The following WDR70 variants were observed in gnomAD, a reference collection of about 807,000 sequenced individuals.
WDR70 encodes the protein WD repeat-containing protein 70.
In WDR70, 53 loss-of-function variants were observed where a neutral mutation model predicts 88.6. That is an observed-to-expected ratio of 0.60 (90% CI 0.48 to 0.75). WDR70 has a LOEUF of 0.75. WDR70 is among the 30% of genes least tolerant of loss of function. The pLI is 0.00. For missense variants in WDR70, 610 were observed against 823.2 expected, an observed-to-expected ratio of 0.74 and a Z score of 3.17; for synonymous variants, 280 against 270.0, an observed-to-expected ratio of 1.04 and a Z score of -0.36.
chr5:37,745,247 G>A (rs1319766544), intron 17 of WDR70, among the ~76,000 whole-genome samples: 2 of 151,854 alleles, frequency 1.3e-5, no homozygotes, highest in African/African-American at 4.8e-5. Context: ...GTTACCACGA[G>A]GCCTGCACTG....
intron 8 of WDR70, among the ~76,000 whole-genome samples, chr5:37,488,813 T>C (rs1739975511): frequency 6.6e-6 from 1 of 152,216 alleles, no homozygotes. Flanking sequence ...TGGAATCTGT[T>C]GGTGGAGAAT....
intron 15 of WDR70, chr5:37,724,638 A>G (rs989860355): frequency 7.0e-6 from 2 of 287,314 alleles, no homozygotes; most frequent in South Asian, 1.2e-4. Flanking sequence ...TTTCAAAACC[A>G]CGGTAATTAA....
intron 10 of WDR70, among the ~76,000 whole-genome samples, chr5:37,682,041 T>C (rs1746451555): frequency 6.6e-6 from 1 of 152,180 alleles, no homozygotes; most frequent in Admixed American, 6.5e-5. Flanking sequence ...AAAATTCAGC[T>C]GTGAATCCTT....
intron 10 of WDR70, among the ~76,000 whole-genome samples, chr5:37,669,962 G>A (rs1049861923): frequency 1.3e-5 from 2 of 152,026 alleles, no homozygotes; most frequent in Non-Finnish European, 2.9e-5. Flanking sequence ...GAAGTGTTCA[G>A]TTTAGGCAAA....
intron 9 of WDR70, among the ~76,000 whole-genome samples, chr5:37,581,840 A>G (rs1743225038): frequency 6.6e-6 from 1 of 152,186 alleles, no homozygotes; most frequent in Non-Finnish European, 1.5e-5. Flanking sequence ...CGTCTGATAA[A>G]TCCCAAGTGT....
intron 10 of WDR70, among the ~76,000 whole-genome samples, chr5:37,610,197 C>T (rs1488744276): frequency 3.5e-5 from 5 of 144,250 alleles, no homozygotes; most frequent in Admixed American, 7.4e-5. Flanking sequence ...ATCTGGGAGG[C>T]GGAGGTTGCA....
At chr5:37,646,049 CTTCT>C (rs777940864) in intron 10 of WDR70, among the ~76,000 whole-genome samples, 6 of 151,322 alleles carry the variant, frequency 4.0e-5, no homozygotes, top group Admixed American at 1.3e-4. Context: ...TCCTTCTTTC[CTTCT>C]TTCTTTCTTT....
At chr5:37,385,948 T>C (rs1361288892) in intron 3 of WDR70, among the ~76,000 whole-genome samples, 1 of 151,188 alleles carries the variant, frequency 6.6e-6, no homozygotes. Context: ...GGACTATAGG[T>C]ACCGGACACC....
rs114783930 is a variant in WDR70, at chr5:37,720,040, A to G, written c.1417-1075A>G. ...AATGTTCTATCAAAAAGGATCTGAG[A>G]GATTTCAAGATATTCTGTCTTAACA... On this transcript the variant is annotated intron_variant, in intron 13 of 17. Transcript: ENST00000265107. Among the ~76,000 whole-genome samples, 1,213 of 152,144 alleles carry G rather than the reference A, an allele frequency of 8.0e-3. 18 individuals are homozygous for G. Among genetic ancestry groups the G allele is most frequent in the African/African-American group, 0.028 (1,152 of 41,510 alleles).
intron 7 of WDR70, among the ~76,000 whole-genome samples, chr5:37,472,645 C>T (rs576122895): frequency 5.3e-5 from 8 of 152,058 alleles, no homozygotes; most frequent in African/African-American, 9.7e-5. Flanking sequence ...AACAGACACC[C>T]GCCTCCATGC....
At chr5:37,412,602 G>GT (rs1241088489) in intron 5 of WDR70, among the ~76,000 whole-genome samples, 1 of 152,186 alleles carries the variant, frequency 6.6e-6, no homozygotes, top group African/African-American at 2.4e-5. Flanking sequence ...AGGGCTGGAT[G>GT]TAACAGCAGC....
intron 10 of WDR70, among the ~76,000 whole-genome samples, chr5:37,645,514 C>T (rs553389143): frequency 6.6e-6 from 1 of 152,202 alleles, no homozygotes; most frequent in East Asian, 1.9e-4. Context: ...CAGATTAAGT[C>T]AGATGTTTCT....
chr5:37,440,563 T>C (rs1019631186), intron 6 of WDR70, among the ~76,000 whole-genome samples: 2 of 152,246 alleles, frequency 1.3e-5, no homozygotes, highest in African/African-American at 4.8e-5. Context: ...CAGGCCGGTC[T>C]TGAACTCCTG....
chr5:37,582,874 G>C (rs1247992796), intron 9 of WDR70, among the ~76,000 whole-genome samples: 2 of 152,240 alleles, frequency 1.3e-5, no homozygotes, highest in African/African-American at 4.8e-5. Context: ...GGCTGTCCTT[G>C]TGCGTAGCAC....
intron 8 of WDR70, among the ~76,000 whole-genome samples, chr5:37,484,445 C>T (rs1739791421): frequency 6.6e-6 from 1 of 152,096 alleles, no homozygotes; most frequent in Non-Finnish European, 1.5e-5. Flanking sequence ...ATCGCAGGCA[C>T]TCGGCAGGCT....
At chr5:37,434,480 C>T (rs1160204435) in intron 5 of WDR70, among the ~76,000 whole-genome samples, 1 of 152,192 alleles carries the variant, frequency 6.6e-6, no homozygotes, top group Admixed American at 6.6e-5. Context: ...CATTTTCAAG[C>T]TTCTTTTTGG....
chr5:37,543,476 T>C (rs562431469), intron 9 of WDR70, among the ~76,000 whole-genome samples: 18 of 152,240 alleles, frequency 1.2e-4, no homozygotes, highest in African/African-American at 4.3e-4. Flanking sequence ...AAAGTGTGTG[T>C]GGTCTTGTGT....
intron 5 of WDR70, among the ~76,000 whole-genome samples, chr5:37,408,842 C>G (rs1749434949): frequency 6.6e-6 from 1 of 152,044 alleles, no homozygotes; most frequent in Admixed American, 6.6e-5. Context: ...ACATTAGCTA[C>G]CTTTCTCCAA....
At chr5:37,525,890 G>T (rs77433681) in intron 9 of WDR70, among the ~76,000 whole-genome samples, 2 of 152,260 alleles carry the variant, frequency 1.3e-5, no homozygotes, top group East Asian at 3.9e-4. Flanking sequence ...TAGAAGAAAT[G>T]GATAAATTCC....
Sources: allele counts gnomAD v4.1 joint callset (sites outside exome capture counted in the v4.1 genomes callset), GRCh38; gene constraint gnomAD v4.1.1; transcripts MANE v1.5; gene names NCBI Gene and HGNC (gene_info 2026-07-23, HGNC 2026-07-21).